CLEC4A: variants seen among roughly 807,000 people sequenced by gnomAD.
CLEC4A encodes the protein C-type (calcium dependent, carbohydrate-recognition domain) lectin, superfamily member 6.
Under a neutral mutation model 32.7 loss-of-function variants are expected in CLEC4A, and 27 were observed. The observed-to-expected ratio is 0.83, with a 90% CI of 0.61 to 1.14. The LOEUF (loss-of-function observed/expected upper bound fraction) is 1.14. Ranked by LOEUF, CLEC4A falls within the 50% of genes most tolerant of loss-of-function variation. CLEC4A has a pLI of 0.00. For missense variants in CLEC4A, 253 were observed against 274.6 expected, an observed-to-expected ratio of 0.92 and a Z score of 0.55; for synonymous variants, 89 against 93.7, an observed-to-expected ratio of 0.95 and a Z score of 0.29.
the CLEC4A span, among the ~76,000 whole-genome samples, chr12:8,108,302 G>A: frequency 6.6e-6 from 1 of 152,242 alleles, no homozygotes; most frequent in African/African-American, 2.4e-5. Context: ...TTTTTGGCCT[G>A]GGGATGGAAC....
upstream of CLEC4A, among the ~76,000 whole-genome samples, chr12:8,122,575 G>A (rs1432852202): frequency 6.6e-6 from 1 of 152,130 alleles, no homozygotes; most frequent in East Asian, 1.9e-4. Context: ...GCCCAACTAG[G>A]AAGAGAGGGA....
intron 3 of CLEC4A, chr12:8,134,215 G>A (rs757732540): frequency 6.2e-7 from 1 of 1,611,422 alleles, no homozygotes; most frequent in Admixed American, 1.7e-5. Context: ...GATTTTCATT[G>A]TTGTCAGCTT....
At chr12:8,110,324 C>T in the CLEC4A span, among the ~76,000 whole-genome samples, 1 of 151,930 alleles carries the variant, frequency 6.6e-6, no homozygotes, top group South Asian at 2.1e-4. Flanking sequence ...CTAATTTGTA[C>T]CTAAAGTGAC....
chr12:8,117,430 G>A, the CLEC4A span, among the ~76,000 whole-genome samples: 1 of 152,040 alleles, frequency 6.6e-6, no homozygotes, highest in African/African-American at 2.4e-5. Context: ...GTAGAGATGG[G>A]ATTTCACCAA....
the CLEC4A span, among the ~76,000 whole-genome samples, chr12:8,112,457 CTGTT>C: frequency 9.9e-5 from 15 of 152,126 alleles, no homozygotes; most frequent in South Asian, 1.9e-3. Context: ...AATTCTGAGG[CTGTT>C]TGTTTCTCTA....
At chr12:8,103,197 A>G in the CLEC4A span, among the ~76,000 whole-genome samples, 1 of 152,018 alleles carries the variant, frequency 6.6e-6, no homozygotes, top group Admixed American at 6.6e-5. Flanking sequence ...CCCCAAAGTA[A>G]TGTTTGTGAA....
chr12:8,124,473 GAAAGTCTCTT>G (rs1446562273), intron 1 of CLEC4A, among the ~76,000 whole-genome samples: 1 of 152,200 alleles, frequency 6.6e-6, no homozygotes, highest in Non-Finnish European at 1.5e-5. Flanking sequence ...AGTCTACAAA[GAAAGTCTCTT>G]AAATCTCCAG....
chr12:8,104,983 G>A, the CLEC4A span, among the ~76,000 whole-genome samples: 2 of 152,068 alleles, frequency 1.3e-5, no homozygotes, highest in African/African-American at 2.4e-5. Context: ...CCATTGATGG[G>A]CATTTAGGTT....
chr12:8,115,504 C>T, the CLEC4A span, among the ~76,000 whole-genome samples: 2 of 152,156 alleles, frequency 1.3e-5, no homozygotes, highest in African/African-American at 2.4e-5. Context: ...ACCAAGGCAT[C>T]TAGGGTACTG....
chr12:8,135,037 A>ATTTTTTTTTTTTTTTTTTTTTT (rs1948086052), intron 3 of CLEC4A, among the ~76,000 whole-genome samples: 3 of 10,278 alleles, frequency 2.9e-4, no homozygotes, highest in Non-Finnish European at 5.0e-4. Context: ...AATTCTAACA[A>ATTTTTTTTTTTTTTTTTTTTTT]TTTTATTATC....
At chr12:8,136,752 C>A in intron 4 of CLEC4A, 36 bp from the exon 5 acceptor site, 1 of 1,293,896 alleles carries the variant, frequency 7.7e-7, no homozygotes, top group Admixed American at 1.7e-5. Context: ...AAGCTGAATA[C>A]TGTAAAGGCT....
At chr12:8,135,559 C>T (rs112935015) in intron 3 of CLEC4A, 26 bp from the exon 4 acceptor site, 22 of 1,611,352 alleles carry the variant, frequency 1.4e-5, no homozygotes, top group African/African-American at 6.7e-5. Context: ...TTATATTGCA[C>T]GTATGTGCCC....
chr12:8,107,985 TA>T, the CLEC4A span, among the ~76,000 whole-genome samples: 1 of 152,138 alleles, frequency 6.6e-6, no homozygotes, highest in Non-Finnish European at 1.5e-5. Flanking sequence ...GTTAGGTTGT[TA>T]ATTTGAGATC....
intron 3 of CLEC4A, among the ~76,000 whole-genome samples, chr12:8,132,811 G>C (rs1948022031): frequency 6.6e-6 from 1 of 151,554 alleles, no homozygotes; most frequent in Non-Finnish European, 1.5e-5. Flanking sequence ...TTGCAGCTTT[G>C]TTTGGTGTAT....
chr12:8,134,995 T>TTTTTTTTTTTTTTTTTTTTTTG (rs1948081176), intron 3 of CLEC4A: 3 of 226,288 alleles, frequency 1.3e-5, no homozygotes, highest in Non-Finnish European at 2.1e-5. Flanking sequence ...TGTTTTTTTT[T>TTTTTTTTTTTTTTTTTTTTTTG]AATCATGGCT....
At position 8,138,452 on chromosome 12, in the gene CLEC4A, T is replaced by A; in HGVS notation, c.*165T>A. The A allele has an allele frequency of 2.4e-6, 2 of 817,244 alleles. No individual in the cohort carries two copies. The highest frequency in any genetic ancestry group is 3.7e-6 in the Non-Finnish European group (2 of 534,620). 50.6% of individuals were successfully genotyped at this position (817,244 alleles called of 1,614,324 possible). A position where few individuals can be genotyped will look rare whatever the true frequency, so the allele number is the denominator to read the frequency against. On this transcript the variant is annotated 3_prime_UTR_variant, in exon 6 of 6. Transcript: ENST00000229332. ...GTCTGTACATTGACTGATTCACTTT[T>A]TCATAAAGTGAGCATTTATTGAGCA...
chr12:8,107,835 A>G, the CLEC4A span, among the ~76,000 whole-genome samples: 34 of 151,852 alleles, frequency 2.2e-4, no homozygotes, highest in African/African-American at 8.0e-4. Context: ...TTTAAAAAAC[A>G]AACTGTGGGA....
the CLEC4A span, among the ~76,000 whole-genome samples, chr12:8,103,315 G>A: frequency 1.4e-5 from 2 of 145,448 alleles, no homozygotes; most frequent in South Asian, 4.3e-4. Flanking sequence ...TTTTCCCATT[G>A]ACTCACAATG....
intron 4 of CLEC4A, among the ~76,000 whole-genome samples, 158 bp from the exon 5 acceptor site, chr12:8,136,630 G>A (rs4322490): frequency 0.8 from 120,690 of 151,240 alleles, 50,462 homozygotes; most frequent in East Asian, 0.94. Flanking sequence ...CGATGTCTTT[G>A]ATTCTGCCCT....
Sources: allele counts gnomAD v4.1 joint callset (sites outside exome capture counted in the v4.1 genomes callset), GRCh38; gene constraint gnomAD v4.1.1; transcripts MANE v1.5; gene names NCBI Gene and HGNC (gene_info 2026-07-23, HGNC 2026-07-21).